Variants in TAFA5 observed in about 807,000 individuals in gnomAD.
The protein encoded by TAFA5 is chemokine-like protein TAFA-5.
A neutral mutation model predicts 15.3 loss-of-function variants in TAFA5; 6 were observed. The ratio of observed to expected loss-of-function variants is 0.39; its 90% confidence interval spans 0.21 to 0.77. TAFA5 has a LOEUF of 0.77. Ranked by LOEUF, TAFA5 falls within the 30% of genes least tolerant of loss-of-function variation. The pLI, the probability that TAFA5 is intolerant of heterozygous loss-of-function variation, is 0.41. For synonymous variants in TAFA5, 103 were observed against 80.7 expected, an observed-to-expected ratio of 1.28 and a Z score of -1.48; for missense variants, 161 against 193.1, an observed-to-expected ratio of 0.83 and a Z score of 0.98.
intron 1 of TAFA5, among the ~76,000 whole-genome samples, chr22:48,497,542 T>G (rs1192172832): frequency 2.8e-5 from 2 of 71,856 alleles, no homozygotes; most frequent in Non-Finnish European, 2.8e-5. Context: ...GAGGAGTAGC[T>G]GGAATCCTGG....
At chr22:48,713,012 C>T (rs887193264) in intron 3 of TAFA5, among the ~76,000 whole-genome samples, 3 of 152,210 alleles carry the variant, frequency 2.0e-5, no homozygotes, top group Non-Finnish European at 2.9e-5. Flanking sequence ...TGCTCAGCCA[C>T]GTTTTTGTAG....
intron 2 of TAFA5, among the ~76,000 whole-genome samples, chr22:48,690,232 T>G (rs1488542173): frequency 6.6e-6 from 1 of 152,156 alleles, no homozygotes; most frequent in African/African-American, 2.4e-5. Context: ...CCACCCCATC[T>G]CCTTGTGTTC....
intron 2 of TAFA5, among the ~76,000 whole-genome samples, chr22:48,687,170 A>G (rs1262540412): frequency 6.7e-6 from 1 of 149,976 alleles, no homozygotes; most frequent in Admixed American, 6.6e-5. Flanking sequence ...AGGGTGGGTG[A>G]TGGATGAGTG....
At chr22:48,542,220 GGT>G (rs1182155623) in intron 1 of TAFA5, among the ~76,000 whole-genome samples, 1 of 147,460 alleles carries the variant, frequency 6.8e-6, no homozygotes, top group African/African-American at 2.5e-5. Context: ...CATGATGTGT[GGT>G]GTGTGTGCTG....
intron 2 of TAFA5, among the ~76,000 whole-genome samples, chr22:48,707,508 G>C (rs537962059): frequency 1.3e-5 from 2 of 152,170 alleles, no homozygotes; most frequent in African/African-American, 4.8e-5. Flanking sequence ...ATGGCAGAGC[G>C]GGACTTGGGG....
At chr22:48,640,814 TG>T in intron 1 of TAFA5, among the ~76,000 whole-genome samples, 1 of 151,480 alleles carries the variant, frequency 6.6e-6, no homozygotes, top group Non-Finnish European at 1.5e-5. Flanking sequence ...GAGGTGTTGG[TG>T]GGGGTCTGCC....
intron 2 of TAFA5, among the ~76,000 whole-genome samples, chr22:48,647,362 C>G (rs867039450): frequency 3.3e-5 from 5 of 152,104 alleles, no homozygotes; most frequent in African/African-American, 1.2e-4. Context: ...GGAAAGGGCA[C>G]CTGCTATGAG....
chr22:48,630,233 T>G (rs889182070), intron 1 of TAFA5, among the ~76,000 whole-genome samples: 2 of 152,280 alleles, frequency 1.3e-5, no homozygotes, highest in East Asian at 1.9e-4. Flanking sequence ...AGAACGCTGC[T>G]GGGCATCTCT....
chr22:48,717,095 C>T (rs2337495), intron 3 of TAFA5, among the ~76,000 whole-genome samples: 9,600 of 152,250 alleles, frequency 0.063, 369 homozygotes, highest in Admixed American at 0.095. Context: ...TGAATACAGT[C>T]GCATCCTAAA....
At chr22:48,533,769 A>G (rs1922052412) in intron 1 of TAFA5, among the ~76,000 whole-genome samples, 1 of 130,742 alleles carries the variant, frequency 7.6e-6, no homozygotes, top group African/African-American at 2.7e-5. Flanking sequence ...ATTTCCCCAA[A>G]CCTTTTTTTT....
chr22:48,724,401 G>A (rs1203353735), intron 3 of TAFA5, among the ~76,000 whole-genome samples: 1 of 152,172 alleles, frequency 6.6e-6, no homozygotes, highest in Non-Finnish European at 1.5e-5. Flanking sequence ...CGACACCTGG[G>A]ACCCTCCACT....
intron 2 of TAFA5, among the ~76,000 whole-genome samples, chr22:48,670,127 A>G (rs73889542): frequency 0.076 from 11,615 of 152,196 alleles, 875 homozygotes; most frequent in African/African-American, 0.19. Context: ...AGATCCTCTC[A>G]GAGGACAGCT....
At chr22:48,602,554 A>G (rs963908434) in intron 1 of TAFA5, among the ~76,000 whole-genome samples, 3 of 152,174 alleles carry the variant, frequency 2.0e-5, no homozygotes, top group Non-Finnish European at 2.9e-5. Context: ...CCCATTTTGC[A>G]GAGAATGTTT....
Position 48,490,833 on chromosome 22 carries a change from C to T in TAFA5, c.112+1129C>T, listed in dbSNP as rs1928127585. Among the ~76,000 whole-genome samples the T allele has an allele frequency of 6.8e-6, 1 of 147,078 alleles. No individual in the cohort carries two copies. The highest frequency in any genetic ancestry group is 2.6e-5 in the African/African-American group (1 of 38,740). On this transcript the variant is annotated intron_variant, in intron 1 of 3. Coordinates refer to ENST00000402357, the MANE Select transcript of TAFA5 (RefSeq NM_001082967.3). The surrounding 1 kb of genome is among the most constrained non-coding windows in gnomAD (Gnocchi z 5.8). ...CCTCCCTCCACAGACACCACCTCCTCCAGAGCCCCGGGCCTCCAAGCTCCC... is the reference window on the plus strand; with the variant it reads ...CCTCCCTCCACAGACACCACCTCCTTCAGAGCCCCGGGCCTCCAAGCTCCC...
chr22:48,668,991 G>A (rs1175633243), intron 2 of TAFA5, among the ~76,000 whole-genome samples: 1 of 152,236 alleles, frequency 6.6e-6, no homozygotes, highest in African/African-American at 2.4e-5. Flanking sequence ...CCCTCGAGGT[G>A]ATGGTATTTG....
At chr22:48,546,722 G>A (rs1922686439) in intron 1 of TAFA5, 2 of 404,554 alleles carry the variant, frequency 4.9e-6, no homozygotes, top group South Asian at 3.7e-5. Flanking sequence ...CAGCACTCAT[G>A]TTCCACACTC....
intron 2 of TAFA5, among the ~76,000 whole-genome samples, chr22:48,688,889 G>A (rs928561584): frequency 1.2e-4 from 18 of 151,796 alleles, no homozygotes; most frequent in African/African-American, 4.4e-4. Context: ...CTACTTGGGA[G>A]CCTGAGGCAG....
At chr22:48,501,784 G>A (rs1234417940) in intron 1 of TAFA5, among the ~76,000 whole-genome samples, 30 of 152,200 alleles carry the variant, frequency 2.0e-4, no homozygotes, top group Admixed American at 2.0e-3. Flanking sequence ...GAGTGTGGCC[G>A]CTCTTCTCAG....
At chr22:48,615,440 C>A (rs556896772) in intron 1 of TAFA5, among the ~76,000 whole-genome samples, 2 of 152,164 alleles carry the variant, frequency 1.3e-5, no homozygotes, top group Non-Finnish European at 2.9e-5. Flanking sequence ...ACGCTCTGTC[C>A]GTGTTCCTCT....
Sources: allele counts gnomAD v4.1 joint callset (sites outside exome capture counted in the v4.1 genomes callset), GRCh38; gene constraint gnomAD v4.1.1; non-coding constraint Gnocchi (gnomAD v3.1); transcripts MANE v1.5; gene names NCBI Gene and HGNC (gene_info 2026-07-23, HGNC 2026-07-21).